The following TUBGCP5 variants were observed in gnomAD, a reference collection of about 807,000 sequenced individuals.
TUBGCP5 encodes the protein gamma-tubulin complex component 5.
Under a neutral mutation model 134.7 loss-of-function variants are expected in TUBGCP5, and 98 were observed. The observed-to-expected ratio is 0.73, with a 90% CI of 0.62 to 0.86. The LOEUF (loss-of-function observed/expected upper bound fraction) is 0.86, where lower values mean the gene tolerates loss of function less well. Ranked by LOEUF, TUBGCP5 falls within the 40% of genes least tolerant of loss-of-function variation. The pLI is 0.00. For missense variants in TUBGCP5, 1,150 were observed against 1,244.8 expected (o/e 0.92, Z 1.15); for synonymous variants, 456 against 431.4 (o/e 1.06, Z -0.71).
rs1012869169 is a variant in TUBGCP5 at position 23,016,025 on chromosome 15, T to C, written c.1756+1748A>G. On this transcript the variant is annotated intron_variant, in intron 13 of 22. Transcript: ENST00000615383. The stretch of plus-strand genomic sequence containing the variant: ...CAAGAGACTACAATGATATAGGAAA[T>C]GCCGGAAAAATAATTCAGAATTAAA... Among the ~76,000 whole-genome samples the C allele has an allele frequency of 1.8e-4, 28 of 151,890 alleles. 1 individual carries two copies. Among genetic ancestry groups the C allele is most frequent in the Admixed American group, 1.8e-3 (28 of 15,258 alleles).
intron 19 of TUBGCP5, 77 bp from the exon 20 acceptor site, chr15:23,004,304 T>TATA: frequency 6.6e-7 from 1 of 1,522,790 alleles, no homozygotes; most frequent in Non-Finnish European, 8.9e-7. Flanking sequence ...TCTTTTTTAC[T>TATA]AAGCTCTTCT....
chr15:23,009,889 T>C (rs2064934296), intron 15 of TUBGCP5, 56 bp downstream of exon 15: 2 of 1,509,154 alleles, frequency 1.3e-6, no homozygotes, highest in African/African-American at 1.4e-5. Flanking sequence ...TAATCTCAAC[T>C]GTTCTTCAAG....
chr15:23,032,833 C>CA lies in TUBGCP5; in HGVS notation c.310-10dup, dbSNP rs751376125. The CA allele has an allele frequency of 1.9e-4, 292 of 1,531,560 alleles. No individual in the cohort carries two copies. The highest frequency in any genetic ancestry group is 2.1e-4 in the Non-Finnish European group (239 of 1,141,040). The allele number at this position is 1,531,560 out of a possible 1,614,324, so 94.9% of individuals were successfully genotyped here. A position where few individuals can be genotyped will look rare whatever the true frequency, so the allele number is the denominator to read the frequency against. The stretch of plus-strand genomic sequence containing the variant: ...GAATAATGTGCATCTGTCTTTAAAA[C>CA]AAAAAAAAGAACATAAATCTCTGAG... On this transcript the variant is annotated splice_polypyrimidine_tract_variant and intron_variant, in intron 3 of 22. Transcript: ENST00000615383.
intron 21 of TUBGCP5, among the ~76,000 whole-genome samples, chr15:23,002,136 A>G (rs1197100459): frequency 1.3e-5 from 2 of 151,234 alleles, no homozygotes; most frequent in Admixed American, 1.3e-4. Context: ...CCCCAAAGTG[A>G]GACAAAAAAA....
intron 13 of TUBGCP5, 31 bp from the exon 14 acceptor site, chr15:23,011,362 T>A (rs1283170190): frequency 7.1e-6 from 11 of 1,539,408 alleles, no homozygotes; most frequent in Non-Finnish European, 9.8e-6. Context: ...TAAGGTGAAC[T>A]AAGTTCTGTT....
intron 10 of TUBGCP5, 34 bp from the exon 11 acceptor site, chr15:23,022,195 G>A (rs1380758389): frequency 5.6e-6 from 9 of 1,601,928 alleles, no homozygotes; most frequent in Admixed American, 5.0e-5. Context: ...TCAACAGCAA[G>A]GAAAAATACA....
At chr15:23,000,231 T>G (rs78180987) in intron 22 of TUBGCP5, 3 of 1,194,218 alleles carry the variant, frequency 2.5e-6, no homozygotes, top group Non-Finnish European at 3.1e-6. Flanking sequence ...CCTAAAAAAA[T>G]TTTTAAAAAG....
intron 23 of TUBGCP5, among the ~76,000 whole-genome samples, chr15:22,987,970 G>GCCAGACAACAGCCACTGAGAA (rs1196365427): frequency 1.4e-5 from 2 of 142,680 alleles, no homozygotes; most frequent in Non-Finnish European, 3.0e-5. Context: ...TGAAGACACA[G>GCCAGACAACAGCCACTGAGAA]CCAGACAACA....
chr15:23,037,513 A>T (rs73409372), intron 1 of TUBGCP5, among the ~76,000 whole-genome samples: 6,854 of 152,218 alleles, frequency 0.045, 407 homozygotes, highest in African/African-American at 0.14. Context: ...CCCTTCTCTG[A>T]ATAACATTTT....
rs906391051 is a variant in TUBGCP5 at position 23,027,134 on chromosome 15, C to T, written c.737+58G>A. On this transcript the variant is annotated intron_variant, in intron 7 of 22. Transcript: ENST00000615383. ...ACTTAAGTCACAAATCAAAGCCAAACGTTTAAACATCAAAGTTTCTTCTAT... is the reference window on the plus strand; with the variant it reads ...ACTTAAGTCACAAATCAAAGCCAAATGTTTAAACATCAAAGTTTCTTCTAT... The T allele has an allele frequency of 1.3e-5, 17 of 1,296,572 alleles. No individual in the cohort carries two copies. In the African/African-American group the frequency reaches 1.6e-4, roughly 13 times the overall value. The allele number at this position is 1,296,572 out of a possible 1,614,324, so 80.3% of individuals were successfully genotyped here.
At chr15:23,011,740 AG>A (rs71944856) in intron 13 of TUBGCP5, among the ~76,000 whole-genome samples, 148,535 of 148,548 alleles carry the variant, frequency 1, 74,261 homozygotes, top group Middle Eastern at 1. Context: ...CAAACTCCTG[AG>A]CTTAAGTGAT....
chr15:22,991,258 C>T (rs1159678512), intron 23 of TUBGCP5, among the ~76,000 whole-genome samples: 2 of 152,076 alleles, frequency 1.3e-5, no homozygotes, highest in African/African-American at 4.8e-5. Context: ...CCACCACACC[C>T]GGCTAATTTT....
chr15:22,993,793 C>A (rs1474557626), intron 23 of TUBGCP5, among the ~76,000 whole-genome samples: 3 of 151,792 alleles, frequency 2.0e-5, no homozygotes, highest in African/African-American at 4.8e-5. Context: ...GATCCACCTG[C>A]CTCGGCCTCC....
At position 23,013,438 on chromosome 15, in the gene TUBGCP5, TC is replaced by T. The variant is rs1429819945; in HGVS notation, c.1757-2108del. On this transcript the variant is annotated intron_variant, in intron 13 of 22. Coordinates refer to ENST00000615383, the MANE Select transcript of TUBGCP5 (RefSeq NM_052903.6). This position sits in a 1 kb window ranked among gnomAD's most constrained non-coding sequence, Gnocchi z 4.5. Reference sequence around the variant, plus strand: ...TCCAGCCTGGGCGACAGGGAAAGACTCCGTCTCAAAAAAAAAAGATCCGACT... The same window carrying T: ...TCCAGCCTGGGCGACAGGGAAAGACTCGTCTCAAAAAAAAAAGATCCGACT... Among the ~76,000 whole-genome samples the T allele has an allele frequency of 1.3e-5, 2 of 151,156 alleles. No homozygotes were observed. Among genetic ancestry groups the T allele is most frequent in the Admixed American group, 1.3e-4 (2 of 15,184 alleles).
rs1343916746 is a variant in TUBGCP5, at chr15:23,006,122, A to T, written c.2463T>A (p.Tyr821Ter). The T allele has an allele frequency of 6.2e-7, 1 of 1,612,548 alleles. No homozygotes were observed. The highest frequency in any genetic ancestry group is 8.5e-7 in the Non-Finnish European group (1 of 1,179,704). ...IVISLECQKI[Y>*]NQVFLLLLQI... ...GCAATAAGAGAAGAAACACTTGATT[A>T]TAAATTTTTTGACATTCCAAACTTA... The change falls in exon 18 of 23, where the codon TAT becomes TAA. Residue 821 changes from tyrosine to a stop codon, truncating the protein, a stop_gained. Coordinates refer to ENST00000615383, the MANE Select transcript of TUBGCP5 (RefSeq NM_052903.6). LOFTEE classifies it high-confidence loss of function.
At chr15:23,011,669 T>G (rs1434603956) in intron 13 of TUBGCP5, among the ~76,000 whole-genome samples, 2 of 148,812 alleles carry the variant, frequency 1.3e-5, no homozygotes, top group African/African-American at 4.9e-5. Context: ...CACGCCCGGC[T>G]AATTTTATAT....
At chr15:23,000,068 G>A (rs1179675035) in intron 22 of TUBGCP5, among the ~76,000 whole-genome samples, 1 of 152,028 alleles carries the variant, frequency 6.6e-6, no homozygotes, top group Admixed American at 6.6e-5. Context: ...GTGCCACCAT[G>A]CCTAGCTCAT....
intron 11 of TUBGCP5, among the ~76,000 whole-genome samples, chr15:23,020,584 C>CAAAAAAAAAAAAAAA (rs542905350): frequency 1.3e-3 from 96 of 76,184 alleles, no homozygotes; most frequent in Middle Eastern, 0.014. Flanking sequence ...GACTACGTCT[C>CAAAAAAAAAAAAAAA]AAAAAAAAAA....
intron 6 of TUBGCP5, 72 bp from the exon 7 acceptor site, chr15:23,027,378 G>A: frequency 8.2e-7 from 1 of 1,220,782 alleles, no homozygotes; most frequent in South Asian, 1.3e-5. Context: ...TGGACTTACA[G>A]CTCCATTCAA....
Sources: gnomAD v4.1 joint callset for allele counts (sites outside exome capture counted in the v4.1 genomes callset) on GRCh38, gnomAD v4.1.1 for gene constraint, Gnocchi (gnomAD v3.1) non-coding constraint, MANE v1.5 for transcripts, NCBI Gene and HGNC (gene_info 2026-07-23, HGNC 2026-07-21) for gene names.